The following CS variants were observed in gnomAD, a reference collection of about 807,000 sequenced individuals.
CS encodes citrate synthase, also known as citrate synthase, mitochondrial.
In CS, 13 loss-of-function variants were observed where a neutral mutation model predicts 61.4. The ratio of observed to expected loss-of-function variants is 0.21; its 90% CI spans 0.14 to 0.34. The LOEUF (loss-of-function observed/expected upper bound fraction) is 0.34. Ranked by LOEUF, CS falls within the 10% of genes least tolerant of loss-of-function variation. The pLI is 1.00. For synonymous variants in CS, 159 were observed against 215.2 expected (o/e 0.74, Z 2.29); for missense variants, 278 against 573.4 (o/e 0.48, Z 5.26).
At chr12:56,291,911 T>C (rs1873136498) in intron 1 of CS, 1 of 152,230 alleles carries the variant, frequency 6.6e-6, no homozygotes, top group South Asian at 2.1e-4. Context: ...GAAGAGGTTT[T>C]TCCCCCACAA....
intron 1 of CS, among the ~76,000 whole-genome samples, chr12:56,289,789 T>C (rs1169967336): frequency 1.3e-5 from 2 of 152,074 alleles, no homozygotes; most frequent in Non-Finnish European, 2.9e-5. Flanking sequence ...GGGGTCTTGC[T>C]ATGTTGCCCC....
At chr12:56,282,721 T>C in intron 5 of CS, 113 bp from the exon 6 acceptor site, 1 of 1,525,476 alleles carries the variant, frequency 6.6e-7, no homozygotes, top group South Asian at 1.2e-5. Context: ...ACCCAATCCA[T>C]TTATACAGCA....
At chr12:56,284,589 C>CTT (rs562855498) in intron 3 of CS, among the ~76,000 whole-genome samples, 6,505 of 139,572 alleles carry the variant, frequency 0.047, 199 homozygotes, top group Non-Finnish European at 0.07. Flanking sequence ...TTTTGTATTT[C>CTT]TTTTTTTTTT....
At chr12:56,284,148 A>G (rs914025357) in intron 3 of CS, among the ~76,000 whole-genome samples, 1 of 151,514 alleles carries the variant, frequency 6.6e-6, no homozygotes, top group Admixed American at 6.6e-5. Flanking sequence ...GGGTGAAACC[A>G]TGTCTCTACT....
At chr12:56,294,281 C>A (rs1009093940) in intron 1 of CS, among the ~76,000 whole-genome samples, 3 of 151,874 alleles carry the variant, frequency 2.0e-5, no homozygotes, top group African/African-American at 7.3e-5. Context: ...CAAGACCAGT[C>A]TGGCCAAGAT....
intron 4 of CS, 51 bp downstream of exon 4, chr12:56,283,741 G>GTT (rs1565621389): frequency 2.1e-6 from 3 of 1,402,130 alleles, no homozygotes; most frequent in Admixed American, 3.4e-5. Context: ...CACGGTTTGC[G>GTT]TATTTGCACA....
intron 9 of CS, 43 bp from the exon 10 acceptor site, chr12:56,273,839 T>C (rs761056900): frequency 1.7e-5 from 26 of 1,539,196 alleles, no homozygotes; most frequent in Non-Finnish European, 2.1e-5. Flanking sequence ...CAGTAGAAAT[T>C]CTTTTATTTT....
chr12:56,298,596 G>A (rs1484906723), intron 1 of CS: 2 of 984,626 alleles, frequency 2.0e-6, no homozygotes, highest in South Asian at 4.7e-5. Context: ...CATTTCCCAA[G>A]AGGTTTCCTT....
chr12:56,273,840 C>A lies in CS; in HGVS notation c.1021-44G>T, dbSNP rs753794474. 1.2e-5 allele frequency: 18 copies of A among 1,539,522 alleles called. 1 individual carries two copies. The Admixed American group carries it at 2.5e-4, about 21-fold the overall frequency. The stretch of plus-strand genomic sequence containing the variant: ...AAAGATAGTATTCTCAGTAGAAATT[C>A]TTTTATTTTTCGAGACAGGATCTCA... On this transcript the variant is annotated intron_variant, in intron 9 of 10. Coordinates refer to ENST00000351328, the MANE Select transcript of CS (RefSeq NM_004077.3).
chr12:56,288,346 A>ATTTTT (rs1164867172), intron 1 of CS, among the ~76,000 whole-genome samples: 7 of 123,142 alleles, frequency 5.7e-5, no homozygotes, highest in South Asian at 2.5e-4. Flanking sequence ...GCTTTTTAGA[A>ATTTTT]TTTTTTTTTT....
At chr12:56,284,813 C>T (rs1362891807) in intron 3 of CS, among the ~76,000 whole-genome samples, 1 of 148,204 alleles carries the variant, frequency 6.7e-6, no homozygotes, top group Non-Finnish European at 1.5e-5. Context: ...GCAGAAGAAT[C>T]GCTTGAACCC....
chr12:56,296,270 GGAC>G (rs1425861021), intron 1 of CS, among the ~76,000 whole-genome samples: 1 of 152,068 alleles, frequency 6.6e-6, no homozygotes, highest in Non-Finnish European at 1.5e-5. Context: ...AAACCAGCCT[GGAC>G]AACATGGCAA....
At chr12:56,280,804 C>A (rs1458193968) in intron 6 of CS, among the ~76,000 whole-genome samples, 1 of 152,084 alleles carries the variant, frequency 6.6e-6, no homozygotes, top group East Asian at 1.9e-4. Flanking sequence ...CAAATATACA[C>A]ATTCATACCA....
intron 7 of CS, 189 bp downstream of exon 7, chr12:56,275,807 G>C: frequency 1.6e-6 from 1 of 607,136 alleles, no homozygotes; most frequent in Non-Finnish European, 2.9e-6. Flanking sequence ...CATGGTTACA[G>C]TAATTTCTTT....
intron 1 of CS, among the ~76,000 whole-genome samples, chr12:56,291,475 C>A (rs1228462251): frequency 6.6e-6 from 1 of 152,056 alleles, no homozygotes; most frequent in Non-Finnish European, 1.5e-5. Flanking sequence ...TGGCCACCAG[C>A]AGAGCAAATG....
intron 6 of CS, 176 bp downstream of exon 6, chr12:56,282,244 T>C (rs1872797575): frequency 1.8e-6 from 1 of 541,166 alleles, no homozygotes; most frequent in South Asian, 3.0e-5. Context: ...CATGCTCTAC[T>C]TAGCTTTGTA....
chr12:56,273,436 C>A, intron 10 of CS, 151 bp downstream of exon 10: 1 of 967,520 alleles, frequency 1.0e-6, no homozygotes, highest in South Asian at 1.6e-5. Flanking sequence ...AACAGAGCAA[C>A]CCCAACCCCC....
intron 3 of CS, chr12:56,285,135 G>A (rs567347769): frequency 2.8e-4 from 64 of 227,050 alleles, no homozygotes; most frequent in South Asian, 2.7e-3. Context: ...TAGTAGAGAC[G>A]GAGTTTTACC....
In CS at chr12:56,280,427, A is replaced by AAC. The variant is rs1392045211; in HGVS notation, c.588+1992_588+1993insGT. 2.6e-4 allele frequency among the ~76,000 whole-genome samples: 37 copies of AAC among 140,760 alleles called. 1 individual carries two copies. Among genetic ancestry groups the AAC allele is most frequent in the African/African-American group, 8.1e-4 (32 of 39,360 alleles). The allele number at this position is 140,760 out of a possible 152,430, so 92.3% of individuals were successfully genotyped here. On this transcript the variant is annotated intron_variant, in intron 6 of 10. Coordinates refer to ENST00000351328, the MANE Select transcript of CS (RefSeq NM_004077.3). ...AAGACACCGTCTCCCAAAAAAAACAAAAAAAAAAAACAAAAAAATTAGCCA... is the reference window on the plus strand; with the variant it reads ...AAGACACCGTCTCCCAAAAAAAACAAACAAAAAAAAAACAAAAAAATTAGCCA...
Sources: allele counts gnomAD v4.1 joint callset (sites outside exome capture counted in the v4.1 genomes callset), GRCh38; gene constraint gnomAD v4.1.1; transcripts MANE v1.5; gene names NCBI Gene and HGNC (gene_info 2026-07-23, HGNC 2026-07-21).